Variants in TMEM242 observed in about 807,000 individuals in gnomAD.
TMEM242 encodes UPF0463 transmembrane protein C6orf35.
Under a neutral mutation model 18.2 loss-of-function variants are expected in TMEM242, and 10 were observed. The ratio of observed to expected loss-of-function variants is 0.55; its 90% CI spans 0.34 to 0.93. TMEM242 has a LOEUF of 0.93. Among genes scored for constraint, TMEM242 ranks in the 40% least tolerant of loss-of-function variants. TMEM242 has a pLI of 0.02. For missense variants in TMEM242, 186 were observed against 175.5 expected, an observed-to-expected ratio of 1.06 and a Z score of -0.34; for synonymous variants, 57 against 69.9, an observed-to-expected ratio of 0.81 and a Z score of 0.92.
chr6:157,312,231 T>C (rs1289048231), intron 3 of TMEM242, among the ~76,000 whole-genome samples: 3 of 150,038 alleles, frequency 2.0e-5, no homozygotes, highest in African/African-American at 7.4e-5. Context: ...AGTGCCCCAG[T>C]GTACACTCAT....
rs371750653 is a variant in TMEM242 at position 157,317,117 on chromosome 6, A to G, written c.327+1665T>C. Among the ~76,000 whole-genome samples the G allele has an allele frequency of 1.2e-4, 18 of 152,232 alleles. No homozygotes were observed. The South Asian group carries it at 3.1e-3, about 26-fold the overall frequency. ...CATATACATGCTGTTAATTCTCCCA[A>G]TGTAAAATATAACAAGTAAAAACTT... is the stretch of plus-strand genomic sequence containing the variant. On this transcript the variant is annotated intron_variant, in intron 3 of 3. Coordinates refer to ENST00000400788, the MANE Select transcript of TMEM242 (RefSeq NM_018452.6).
At chr6:157,294,632 G>C (rs587752472) in intron 3 of TMEM242, among the ~76,000 whole-genome samples, 2 of 152,242 alleles carry the variant, frequency 1.3e-5, no homozygotes, top group African/African-American at 4.8e-5. Context: ...TTACAGGCGT[G>C]AACCACCGCG....
intron 3 of TMEM242, among the ~76,000 whole-genome samples, chr6:157,313,444 C>A (rs1554249771): frequency 1.3e-5 from 2 of 150,788 alleles, no homozygotes; most frequent in African/African-American, 2.4e-5. Flanking sequence ...TCATAGTGCC[C>A]CAGTCTGCGC....
At chr6:157,308,382 T>C (rs1361364847) in intron 3 of TMEM242, among the ~76,000 whole-genome samples, 1 of 152,116 alleles carries the variant, frequency 6.6e-6, no homozygotes, top group Admixed American at 6.6e-5. Flanking sequence ...GCCTAAATAT[T>C]ATCATAAAAA....
rs1554246837 is a variant in TMEM242 at position 157,291,638 on chromosome 6, G to A, written c.*1263C>T. ...TTTAACAGATTACATATGAATTCCAGATGCTGATTACACCTGTTTCATTAA... is the reference window on the plus strand; with the variant it reads ...TTTAACAGATTACATATGAATTCCAAATGCTGATTACACCTGTTTCATTAA... On this transcript the variant is annotated 3_prime_UTR_variant, in exon 4 of 4. Coordinates refer to ENST00000400788, the MANE Select transcript of TMEM242 (RefSeq NM_018452.6). 2 of 152,174 alleles carry A rather than the reference G, an allele frequency of 1.3e-5. No homozygotes were observed. Among genetic ancestry groups the A allele is most frequent in the African/African-American group, 4.8e-5 (2 of 41,430 alleles). The allele number at this position is 152,174 out of a possible 1,614,324, so 9.4% of individuals were successfully genotyped here. A position where few individuals can be genotyped will look rare whatever the true frequency, so the allele number is the denominator to read the frequency against.
At chr6:157,316,556 T>C (rs587646554) in intron 3 of TMEM242, among the ~76,000 whole-genome samples, 4 of 152,244 alleles carry the variant, frequency 2.6e-5, no homozygotes, top group African/African-American at 9.6e-5. Flanking sequence ...TTACAAACAA[T>C]GATTAGCCAG....
At chr6:157,306,818 T>A (rs1335707262) in intron 3 of TMEM242, among the ~76,000 whole-genome samples, 1 of 152,190 alleles carries the variant, frequency 6.6e-6, no homozygotes, top group Non-Finnish European at 1.5e-5. Context: ...CTAGAATCTG[T>A]CAGTATAAGA....
At chr6:157,315,622 C>T (rs1173844844) in intron 3 of TMEM242, among the ~76,000 whole-genome samples, 2 of 152,186 alleles carry the variant, frequency 1.3e-5, no homozygotes, top group African/African-American at 4.8e-5. Flanking sequence ...CTACTTATCA[C>T]TGGATGACAT....
intron 3 of TMEM242, among the ~76,000 whole-genome samples, chr6:157,313,321 C>A (rs868977192): frequency 1.9e-5 from 2 of 106,980 alleles, no homozygotes; most frequent in African/African-American, 6.8e-5. Flanking sequence ...AGTGTGCGCT[C>A]ACCTGGCCTC....
intron 3 of TMEM242, among the ~76,000 whole-genome samples, chr6:157,312,088 GCCCTAGTGTCCCCTCACCTA>G (rs1778152586): frequency 6.6e-5 from 7 of 105,544 alleles, no homozygotes; most frequent in Admixed American, 2.1e-4. Context: ...TCAACATAGT[GCCCTAGTGTCCCCTCACCTA>G]GCCTCATCAT....
chr6:157,313,528 T>G (rs1265596743), intron 3 of TMEM242, among the ~76,000 whole-genome samples: 2 of 14,044 alleles, frequency 1.4e-4, no homozygotes, highest in Non-Finnish European at 1.7e-4. Context: ...TGCAGTCATC[T>G]GGCGTCATCA....
At chr6:157,298,626 C>G (rs190747531) in intron 3 of TMEM242, among the ~76,000 whole-genome samples, 6 of 152,130 alleles carry the variant, frequency 3.9e-5, no homozygotes, top group Admixed American at 1.3e-4. Context: ...AATACCTGTA[C>G]GTATATACTT....
intron 3 of TMEM242, among the ~76,000 whole-genome samples, chr6:157,295,016 T>G (rs1049048687): frequency 1.3e-5 from 2 of 152,260 alleles, no homozygotes; most frequent in Admixed American, 1.3e-4. Context: ...TCAATATACA[T>G]TAGCTATTAT....
At chr6:157,321,816 AC>A (rs1554250763) in intron 2 of TMEM242, among the ~76,000 whole-genome samples, 1 of 152,170 alleles carries the variant, frequency 6.6e-6, no homozygotes, top group African/African-American at 2.4e-5. Flanking sequence ...CCAAAACTCT[AC>A]TGTTAAGGCA....
At chr6:157,310,841 T>C (rs1554248471) in intron 3 of TMEM242, among the ~76,000 whole-genome samples, 339 of 17,782 alleles carry the variant, frequency 0.019, 1 homozygote, top group Middle Eastern at 0.031. Context: ...CATCATAGTG[T>C]CCCAGTGTGC....
At chr6:157,320,178 C>G (rs181773273) in intron 2 of TMEM242, among the ~76,000 whole-genome samples, 32 of 152,278 alleles carry the variant, frequency 2.1e-4, no homozygotes, top group African/African-American at 7.2e-4. Context: ...TGGTCATACT[C>G]TAATTCCAGT....
chr6:157,323,507 T>G lies in TMEM242; in HGVS notation c.-8A>C. 8.7e-6 allele frequency: 14 copies of G among 1,613,172 alleles called. No homozygotes were observed. The highest frequency in any genetic ancestry group is 1.2e-5 in the Non-Finnish European group (14 of 1,179,514). On this transcript the variant is annotated 5_prime_UTR_variant, in exon 1 of 4. Coordinates refer to ENST00000400788, the MANE Select transcript of TMEM242 (RefSeq NM_018452.6). The stretch of plus-strand genomic sequence containing the variant: ...AGCGCCCGCTGTCTCCATGTTTAGG[T>G]CGCCTCTAGTGCGTCCGTCCCCAAC...
In TMEM242 at chr6:157,305,860, G is replaced by T. The variant is rs1399540201; in HGVS notation, c.328-12861C>A. 1.3e-5 allele frequency among the ~76,000 whole-genome samples: 2 copies of T among 152,204 alleles called. No individual in the cohort carries two copies. The highest frequency in any genetic ancestry group is 4.8e-5 in the African/African-American group (2 of 41,446). The stretch of plus-strand genomic sequence containing the variant: ...CAACCTTAATAGCAGTTCCAGTGCA[G>T]CGCTGGGGCAAGGAGCTGGACTGAG... On this transcript the variant is annotated intron_variant, in intron 3 of 3. Transcript: ENST00000400788. The surrounding 1 kb of genome is among the most constrained non-coding windows in gnomAD (Gnocchi z 4.1).
At chr6:157,299,740 G>T in intron 3 of TMEM242, 2 of 1,601,168 alleles carry the variant, frequency 1.2e-6, no homozygotes, top group Non-Finnish European at 1.7e-6. Context: ...TAATCACTAG[G>T]CTGGAGTTTG....
Sources: allele counts gnomAD v4.1 joint callset (sites outside exome capture counted in the v4.1 genomes callset), GRCh38; gene constraint gnomAD v4.1.1; non-coding constraint Gnocchi (gnomAD v3.1); transcripts MANE v1.5; gene names NCBI Gene and HGNC (gene_info 2026-07-23, HGNC 2026-07-21).